SLC7A8: variants seen among roughly 807,000 people sequenced by gnomAD.
SLC7A8 encodes solute carrier family 7 member 8, also known as large neutral amino acids transporter small subunit 2.
Under a neutral mutation model 51.2 loss-of-function variants are expected in SLC7A8, and 30 were observed. The observed-to-expected ratio is 0.59, with a 90% confidence interval of 0.44 to 0.80. SLC7A8 has a LOEUF of 0.80. Ranked by LOEUF, SLC7A8 falls within the 30% of genes least tolerant of loss-of-function variation. SLC7A8 has a pLI of 0.00. For synonymous variants in SLC7A8, 257 were observed against 275.8 expected (o/e 0.93, Z 0.67); for missense variants, 612 against 674.4 (o/e 0.91, Z 1.03).
intron 3 of SLC7A8, among the ~76,000 whole-genome samples, chr14:23,153,707 A>G (rs979244081): frequency 6.6e-6 from 1 of 151,842 alleles, no homozygotes; most frequent in South Asian, 2.1e-4. Flanking sequence ...CCCTTAATCA[A>G]TGTCACAGTC....
intron 1 of SLC7A8, among the ~76,000 whole-genome samples, chr14:23,175,499 G>A (rs766122286): frequency 1.3e-5 from 2 of 152,232 alleles, no homozygotes; most frequent in South Asian, 2.1e-4. Context: ...GTGAGCCACC[G>A]CACCCGGCCG....
intron 3 of SLC7A8, among the ~76,000 whole-genome samples, chr14:23,157,457 G>T (rs534431537): frequency 1.3e-5 from 2 of 152,242 alleles, no homozygotes; most frequent in South Asian, 2.1e-4. Context: ...GATCATGTCG[G>T]TCTTCTGTCT....
At chr14:23,171,586 C>T (rs945726613) in intron 1 of SLC7A8, among the ~76,000 whole-genome samples, 1 of 152,234 alleles carries the variant, frequency 6.6e-6, no homozygotes, top group African/African-American at 2.4e-5. Flanking sequence ...GCCTTCCTTA[C>T]TCATGCTAGC....
intron 3 of SLC7A8, among the ~76,000 whole-genome samples, chr14:23,158,486 C>T (rs1422417064): frequency 2.0e-5 from 3 of 152,188 alleles, no homozygotes; most frequent in Admixed American, 6.5e-5. Flanking sequence ...GCTGGGACTA[C>T]AGGCCCCCGC....
At chr14:23,150,364 C>T (rs1325204553) in intron 3 of SLC7A8, among the ~76,000 whole-genome samples, 2 of 152,086 alleles carry the variant, frequency 1.3e-5, no homozygotes, top group African/African-American at 4.8e-5. Flanking sequence ...CTCAGAGGAG[C>T]TTGTGTAAGG....
chr14:23,165,936 TC>T lies in SLC7A8; in HGVS notation c.356+399del, dbSNP rs1303009112. 1.3e-5 allele frequency among the ~76,000 whole-genome samples: 2 copies of T among 152,134 alleles called. No individual in the cohort carries two copies. The highest frequency in any genetic ancestry group is 2.4e-5 in the African/African-American group (1 of 41,436). On this transcript the variant is annotated intron_variant, in intron 2 of 10. Transcript: ENST00000316902. This position sits in a 1 kb window ranked among gnomAD's most constrained non-coding sequence, Gnocchi z 4.2. ...GCCCAGCTCTAGAGGGAGGCCATTA[TC>T]CTTGGTAGTGTGAGAAGAGGGTGCA...
chr14:23,125,375 A>T lies in SLC7A8; in HGVS notation c.*1802T>A, dbSNP rs2048566085. 1 of 152,364 alleles carries T rather than the reference A, an allele frequency of 6.6e-6. No homozygotes were observed. Among genetic ancestry groups the T allele is most frequent in the African/African-American group, 2.4e-5 (1 of 41,450 alleles). 9.4% of individuals were successfully genotyped at this position (152,364 alleles called of 1,614,324 possible). A position where few individuals can be genotyped will look rare whatever the true frequency, so the allele number is the denominator to read the frequency against. Reference sequence around the variant, plus strand: ...AAATCTCTAAAACCTACACCAAACGAAAGAAATTATCATTAAGGTTCTAAC... The same window carrying T: ...AAATCTCTAAAACCTACACCAAACGTAAGAAATTATCATTAAGGTTCTAAC... On this transcript the variant is annotated 3_prime_UTR_variant, in exon 11 of 11. Transcript: ENST00000316902.
rs1279182913 is a variant in SLC7A8, at chr14:23,126,634, C to G, written c.*543G>C. 6.5e-6 allele frequency: 1 copy of G among 154,244 alleles called. No individual in the cohort carries two copies. The highest frequency in any genetic ancestry group is 1.4e-5 in the Non-Finnish European group (1 of 69,228). The allele number at this position is 154,244 out of a possible 1,614,324, so 9.6% of individuals were successfully genotyped here. A position where few individuals can be genotyped will look rare whatever the true frequency, so the allele number is the denominator to read the frequency against. ...CCGAATTCTGGACAGGGAGCCCTGG[C>G]TGGGGTGGGTGCAGGTATGATGGGG... On this transcript the variant is annotated 3_prime_UTR_variant, in exon 11 of 11. Transcript: ENST00000316902.
intron 4 of SLC7A8, among the ~76,000 whole-genome samples, chr14:23,141,279 T>C (rs2048742860): frequency 6.6e-6 from 1 of 152,072 alleles, no homozygotes; most frequent in African/African-American, 2.4e-5. Context: ...AGCAAGACCC[T>C]GTCTCCAAAA....
At chr14:23,155,158 G>A in intron 3 of SLC7A8, 1 of 1,535,722 alleles carries the variant, frequency 6.5e-7, no homozygotes, top group Non-Finnish European at 8.7e-7. Context: ...TCATCTCGAA[G>A]CACTTACAAC....
At chr14:23,142,966 G>A in intron 4 of SLC7A8, 113 bp downstream of exon 4, 1 of 1,357,686 alleles carries the variant, frequency 7.4e-7, no homozygotes, top group Non-Finnish European at 1.0e-6. Context: ...GTCACTCAAG[G>A]CTAGAATTGG....
At chr14:23,148,372 G>C (rs978949317) in intron 3 of SLC7A8, among the ~76,000 whole-genome samples, 1 of 152,240 alleles carries the variant, frequency 6.6e-6, no homozygotes, top group East Asian at 1.9e-4. Flanking sequence ...GGGATTACAG[G>C]TGTCCGCCAC....
At chr14:23,176,218 T>C (rs1405302050) in intron 1 of SLC7A8, among the ~76,000 whole-genome samples, 1 of 152,190 alleles carries the variant, frequency 6.6e-6, no homozygotes, top group Non-Finnish European at 1.5e-5. Context: ...ACCACATGGG[T>C]GTGAGATCTT....
In SLC7A8 at chr14:23,126,933, A is replaced by C; in HGVS notation, c.*244T>G. ...CTTGGCATCTCCCCTCTCCTCCAGC[A>C]GCTGGGAGTGTGGGCAGCACTGGAG... On this transcript the variant is annotated 3_prime_UTR_variant, in exon 11 of 11. Transcript: ENST00000316902. 1 of 539,296 alleles carries C rather than the reference A, an allele frequency of 1.9e-6. No homozygotes were observed. Among genetic ancestry groups the C allele is most frequent in the South Asian group, 2.4e-5 (1 of 41,380 alleles). The allele number at this position is 539,296 out of a possible 1,614,324, so 33.4% of individuals were successfully genotyped here.
At position 23,155,089 on chromosome 14, in the gene SLC7A8, G is replaced by C. The variant is rs1191582899; in HGVS notation, c.508+10196C>G. The C allele has an allele frequency of 8.7e-6, 12 of 1,382,400 alleles. No individual in the cohort carries two copies. The East Asian group carries it at 2.8e-4, about 32-fold the overall frequency. The allele number at this position is 1,382,400 out of a possible 1,614,324, so 85.6% of individuals were successfully genotyped here. A position where few individuals can be genotyped will look rare whatever the true frequency, so the allele number is the denominator to read the frequency against. On this transcript the variant is annotated intron_variant, in intron 3 of 10. Transcript: ENST00000316902. ...TATAAAGTGCACAGTGGGGAGTGTG[G>C]TTTTGAAACAGATCTTGCCTATCGC...
chr14:23,158,560 G>A (rs2048905806), intron 3 of SLC7A8, among the ~76,000 whole-genome samples: 1 of 152,186 alleles, frequency 6.6e-6, no homozygotes. Context: ...TGGGCAGGCT[G>A]GTCTCGAACT....
intron 1 of SLC7A8, among the ~76,000 whole-genome samples, chr14:23,176,429 C>A (rs1039459439): frequency 3.3e-5 from 5 of 152,174 alleles, no homozygotes; most frequent in Non-Finnish European, 7.3e-5. Context: ...ATATATCAGC[C>A]TCCTCCTGTC....
rs2048571741 is a variant in SLC7A8, at chr14:23,125,906, G to A, written c.*1271C>T. On this transcript the variant is annotated 3_prime_UTR_variant, in exon 11 of 11. Coordinates refer to ENST00000316902, the MANE Select transcript of SLC7A8 (RefSeq NM_012244.4). ...GCCACAGAGGAGGGCCTTTTTTGAG[G>A]ATCTCCAGAGTGGGCGCCCTGCTGC... 1.3e-5 allele frequency: 2 copies of A among 152,714 alleles called. No homozygotes were observed. The allele number at this position is 152,714 out of a possible 1,614,324, so 9.5% of individuals were successfully genotyped here. A position where few individuals can be genotyped will look rare whatever the true frequency, so the allele number is the denominator to read the frequency against.
intron 3 of SLC7A8, chr14:23,154,540 GC>G: frequency 1.1e-6 from 1 of 951,008 alleles, no homozygotes; most frequent in Non-Finnish European, 1.3e-6. Context: ...TTGTGGAAAA[GC>G]CGCTTCGGCT....
Sources: allele counts gnomAD v4.1 joint callset (sites outside exome capture counted in the v4.1 genomes callset), GRCh38; gene constraint gnomAD v4.1.1; non-coding constraint Gnocchi (gnomAD v3.1); transcripts MANE v1.5; gene names NCBI Gene and HGNC (gene_info 2026-07-23, HGNC 2026-07-21).